LDLRAD3: variants seen among roughly 807,000 people sequenced by gnomAD.
The protein encoded by LDLRAD3 is low density lipoprotein receptor class A domain containing 3.
Under a neutral mutation model 29.4 loss-of-function variants are expected in LDLRAD3, and 20 were observed. The observed-to-expected ratio is 0.68, with a 90% confidence interval of 0.48 to 0.99. The LOEUF (loss-of-function observed/expected upper bound fraction) is 0.99. Ranked by LOEUF, LDLRAD3 falls within the 50% of genes least tolerant of loss-of-function variation. The pLI is 0.00. For missense variants in LDLRAD3, 420 were observed against 454.3 expected (o/e 0.92, Z 0.69); for synonymous variants, 157 against 192.7 (o/e 0.81, Z 1.53).
chr11:36,062,711 T>C lies in LDLRAD3; in HGVS notation c.194-18942T>C, dbSNP rs187620266. On this transcript the variant is annotated intron_variant, in intron 2 of 5. Transcript: ENST00000315571. ...ATCTGATGGTTTTATAAGGGGCTTT[T>C]CCCCCATTTGCTTGGCACTTCTCGC... 7.7e-3 allele frequency among the ~76,000 whole-genome samples: 1,169 copies of C among 152,262 alleles called. 47 individuals are homozygous for C. Among genetic ancestry groups the C allele is most frequent in the Admixed American group, 0.07 (1,069 of 15,284 alleles).
At chr11:36,215,667 G>T (rs549533887) in intron 4 of LDLRAD3, among the ~76,000 whole-genome samples, 2 of 152,304 alleles carry the variant, frequency 1.3e-5, no homozygotes, top group African/African-American at 4.8e-5. Flanking sequence ...GGAGCTTGTT[G>T]GGTCAGGGTC....
At chr11:36,104,109 G>A (rs923706063) in intron 4 of LDLRAD3, among the ~76,000 whole-genome samples, 2 of 152,156 alleles carry the variant, frequency 1.3e-5, no homozygotes, top group African/African-American at 2.4e-5. Context: ...GCCTGCCCTC[G>A]CTGGCTAGCT....
intron 1 of LDLRAD3, among the ~76,000 whole-genome samples, chr11:35,995,225 C>T (rs1389047034): frequency 6.6e-6 from 1 of 152,204 alleles, no homozygotes; most frequent in Non-Finnish European, 1.5e-5. Context: ...TGGAATGACT[C>T]TTTGATCCCT....
At chr11:36,170,261 C>CAT (rs1323523372) in intron 4 of LDLRAD3, among the ~76,000 whole-genome samples, 1 of 145,860 alleles carries the variant, frequency 6.9e-6, no homozygotes, top group African/African-American at 2.6e-5. Context: ...TATATATACA[C>CAT]ATATATATAC....
chr11:35,989,119 T>C (rs1430760723), intron 1 of LDLRAD3: 1 of 152,262 alleles, frequency 6.6e-6, no homozygotes, highest in Non-Finnish European at 1.5e-5. Context: ...CACCGTTTAC[T>C]GAATAGGAAG....
At chr11:36,120,373 A>G (rs1282665646) in intron 4 of LDLRAD3, among the ~76,000 whole-genome samples, 7 of 152,194 alleles carry the variant, frequency 4.6e-5, no homozygotes, top group Non-Finnish European at 1.0e-4. Context: ...TGCTCCACAG[A>G]TAGTGATAGT....
At chr11:36,179,893 G>A (rs1854731867) in intron 4 of LDLRAD3, among the ~76,000 whole-genome samples, 1 of 152,134 alleles carries the variant, frequency 6.6e-6, no homozygotes. Context: ...AGCTACTTGG[G>A]AGGCTGAGGT....
chr11:35,979,292 G>A (rs994178647), intron 1 of LDLRAD3, among the ~76,000 whole-genome samples: 1 of 152,150 alleles, frequency 6.6e-6, no homozygotes, highest in African/African-American at 2.4e-5. Flanking sequence ...TGACTAGGTG[G>A]AAGAGCTTTC....
At chr11:36,205,099 A>T (rs1225842439) in intron 4 of LDLRAD3, among the ~76,000 whole-genome samples, 1 of 151,914 alleles carries the variant, frequency 6.6e-6, no homozygotes, top group African/African-American at 2.4e-5. Flanking sequence ...CTCAGCTGGG[A>T]CTCCAGCGCC....
rs780047596 is a variant in LDLRAD3 at position 36,213,974 on chromosome 11, C to T, written c.455-13111C>T. ...CGCTTCACTCGGCTCAAATTTAAAA[C>T]AGTCTTCAGTGTTCATCTAAACTTT... On this transcript the variant is annotated intron_variant, in intron 4 of 5. Transcript: ENST00000315571. This position sits in a 1 kb window ranked among gnomAD's most constrained non-coding sequence, Gnocchi z 4.1. 1.3e-5 allele frequency among the ~76,000 whole-genome samples: 2 copies of T among 152,094 alleles called. No homozygotes were observed. Among genetic ancestry groups the T allele is most frequent in the Non-Finnish European group, 2.9e-5 (2 of 67,994 alleles).
intron 1 of LDLRAD3, among the ~76,000 whole-genome samples, chr11:35,970,284 G>T (rs567455386): frequency 6.6e-6 from 1 of 152,298 alleles, no homozygotes; most frequent in Non-Finnish European, 1.5e-5. Flanking sequence ...TGTTGGACTG[G>T]AGTGGGCCCT....
At chr11:36,147,467 C>A (rs538874377) in intron 4 of LDLRAD3, among the ~76,000 whole-genome samples, 3 of 152,254 alleles carry the variant, frequency 2.0e-5, no homozygotes, top group East Asian at 3.9e-4. Context: ...AGGGTCAAGT[C>A]TAAATGCAAG....
In LDLRAD3 at chr11:36,098,442, A is replaced by G. The variant is rs754880327; in HGVS notation, c.435A>G (p.Glu145=). The G allele has an allele frequency of 9.9e-6, 16 of 1,614,224 alleles. No homozygotes were observed. The highest frequency in any genetic ancestry group is 1.4e-5 in the Non-Finnish European group (16 of 1,180,022). The stretch of plus-strand genomic sequence containing the variant: ...ACTGTCAAGACAACAGTGATGAGGA[A>G]AGCTGTGAAAGTTCTCAAGGTAGGA... ...QNNCQDNSDE[E]SCESSQEPGS... is the part of the protein sequence containing the mutation. The change falls in exon 4 of 6, where the codon GAA becomes GAG. Residue 145 remains glutamate, a synonymous_variant. Coordinates refer to ENST00000315571, the MANE Select transcript of LDLRAD3 (RefSeq NM_174902.4).
chr11:36,077,559 A>G (rs1393856431), intron 2 of LDLRAD3, among the ~76,000 whole-genome samples: 1 of 152,232 alleles, frequency 6.6e-6, no homozygotes, highest in East Asian at 1.9e-4. Context: ...CTGCACAGCC[A>G]GGTATGCCAG....
At chr11:35,982,305 G>A (rs923602389) in intron 1 of LDLRAD3, among the ~76,000 whole-genome samples, 4 of 151,966 alleles carry the variant, frequency 2.6e-5, no homozygotes, top group African/African-American at 9.7e-5. Flanking sequence ...TGCCTTCGTC[G>A]TGACATTATG....
At chr11:36,034,670 G>A (rs1018713052) in intron 1 of LDLRAD3, among the ~76,000 whole-genome samples, 2 of 152,180 alleles carry the variant, frequency 1.3e-5, no homozygotes, top group East Asian at 1.9e-4. Context: ...GTTGTTGCCC[G>A]CTTGTTCTAG....
Position 36,091,571 on chromosome 11 carries a change from G to GT in LDLRAD3, c.320-6749dup, listed in dbSNP as rs1342809089. 4.6e-5 allele frequency among the ~76,000 whole-genome samples: 7 copies of GT among 152,044 alleles called. No homozygotes were observed. The South Asian group carries it at 1.0e-3, about 23-fold the overall frequency. ...GGGAAATAGAGCTTTAGAACCCTGT[G>GT]TTTTTTTGGGTAATAATAACCAAGG... On this transcript the variant is annotated intron_variant, in intron 3 of 5. Coordinates refer to ENST00000315571, the MANE Select transcript of LDLRAD3 (RefSeq NM_174902.4).
intron 4 of LDLRAD3, among the ~76,000 whole-genome samples, chr11:36,113,016 A>C (rs560298879): frequency 5.9e-5 from 9 of 152,342 alleles, no homozygotes; most frequent in African/African-American, 2.2e-4. Context: ...CCTACATTGC[A>C]TACCTCTGAC....
intron 1 of LDLRAD3, among the ~76,000 whole-genome samples, chr11:35,963,382 C>T (rs1851301274): frequency 6.6e-6 from 1 of 151,840 alleles, no homozygotes. Context: ...GTCAGAACCC[C>T]TCATTCATTA....
Sources: allele counts gnomAD v4.1 joint callset (sites outside exome capture counted in the v4.1 genomes callset), GRCh38; gene constraint gnomAD v4.1.1; non-coding constraint Gnocchi (gnomAD v3.1); transcripts MANE v1.5; gene names NCBI Gene and HGNC (gene_info 2026-07-23, HGNC 2026-07-21).